DOCK1: variants seen among roughly 807,000 people sequenced by gnomAD.
DOCK1 encodes dedicator of cytokinesis 1, also known as dedicator of cytokinesis protein 1.
DOCK1 carries 138 observed loss-of-function variants against 262.7 expected under a neutral mutation model. That is an observed-to-expected ratio of 0.53 (90% CI 0.46 to 0.61). The LOEUF (loss-of-function observed/expected upper bound fraction) is 0.61. Ranked by LOEUF, DOCK1 falls within the 20% of genes least tolerant of loss-of-function variation. The pLI is 0.00. For synonymous variants in DOCK1, 866 were observed against 867.4 expected (o/e 1.00, Z 0.03); for missense variants, 1,908 against 2,370.7 (o/e 0.80, Z 4.05).
At chr10:127,408,246 G>A (rs1279907366) in intron 40 of DOCK1, among the ~76,000 whole-genome samples, 1 of 152,134 alleles carries the variant, frequency 6.6e-6, no homozygotes, top group East Asian at 1.9e-4. Context: ...AACCCCAGTG[G>A]ACTGACATTC....
rs921610459 is a variant in DOCK1, at chr10:127,088,027, C to T, written c.2446-18204C>T. ...TAATTGCTAAGTTTTCTCTGATTTG[C>T]TCTAAATCATCTTTTACAAATGCGT... On this transcript the variant is annotated intron_variant, in intron 23 of 51. Transcript: ENST00000623213. 1.8e-4 allele frequency among the ~76,000 whole-genome samples: 28 copies of T among 152,144 alleles called. 1 individual carries two copies. Among genetic ancestry groups the T allele is most frequent in the Non-Finnish European group, 7.4e-5 (5 of 68,024 alleles).
intron 35 of DOCK1, 126 bp from the exon 36 acceptor site, chr10:127,379,956 G>C: frequency 2.9e-6 from 2 of 687,168 alleles, no homozygotes; most frequent in African/African-American, 1.8e-5. Flanking sequence ...TTATGGTTCT[G>C]ATCCAAAGAG....
intron 38 of DOCK1, among the ~76,000 whole-genome samples, chr10:127,392,104 G>A (rs528299162): frequency 6.6e-6 from 1 of 151,566 alleles, no homozygotes; most frequent in African/African-American, 2.4e-5. Context: ...GCGTGGACCG[G>A]CTGCTTCTTG....
At chr10:127,172,997 T>C (rs11816150) in intron 27 of DOCK1, among the ~76,000 whole-genome samples, 5,796 of 152,284 alleles carry the variant, frequency 0.038, 387 homozygotes, top group African/African-American at 0.13. Context: ...TAGTGGCCAC[T>C]GTATTGGATA....
intron 25 of DOCK1, among the ~76,000 whole-genome samples, chr10:127,120,622 A>C (rs1215720116): frequency 6.6e-6 from 1 of 152,198 alleles, no homozygotes; most frequent in Non-Finnish European, 1.5e-5. Flanking sequence ...TATTTTCATC[A>C]TTGAATATAA....
intron 29 of DOCK1, among the ~76,000 whole-genome samples, chr10:127,314,483 T>G (rs1296446611): frequency 6.6e-6 from 1 of 152,318 alleles, no homozygotes; most frequent in East Asian, 1.9e-4. Context: ...CCAGTGTAAA[T>G]GGGCTTCATT....
intron 1 of DOCK1, among the ~76,000 whole-genome samples, chr10:126,956,712 C>T (rs2036771637): frequency 6.6e-6 from 1 of 152,200 alleles, no homozygotes; most frequent in African/African-American, 2.4e-5. Context: ...CTGTCATCCT[C>T]CCATTTCATG....
At chr10:127,093,202 C>CTTTCTTTCTTTG (rs1474533901) in intron 23 of DOCK1, among the ~76,000 whole-genome samples, 3 of 129,560 alleles carry the variant, frequency 2.3e-5, no homozygotes, top group Admixed American at 1.5e-4. Context: ...TCTCCTTTTT[C>CTTTCTTTCTTTG]TTTCTTTCTT....
chr10:127,079,011 C>T (rs1291364041), intron 23 of DOCK1, among the ~76,000 whole-genome samples: 1 of 152,070 alleles, frequency 6.6e-6, no homozygotes, highest in African/African-American at 2.4e-5. Flanking sequence ...GTTTAATAAT[C>T]CCTTTATAAA....
chr10:127,127,507 T>G (rs903829464), intron 26 of DOCK1, among the ~76,000 whole-genome samples, 162 bp from the exon 27 acceptor site: 2 of 152,192 alleles, frequency 1.3e-5, no homozygotes, highest in African/African-American at 4.8e-5. Context: ...ACCCCTGAGT[T>G]TTTTTGTGAG....
intron 14 of DOCK1, 54 bp from the exon 15 acceptor site, chr10:127,024,631 A>G: frequency 1.4e-6 from 2 of 1,456,846 alleles, no homozygotes; most frequent in Admixed American, 2.0e-5. Flanking sequence ...GGAGATGTAT[A>G]TGGTGTCAAG....
intron 27 of DOCK1, among the ~76,000 whole-genome samples, chr10:127,203,639 G>A (rs908166229): frequency 6.5e-5 from 6 of 92,990 alleles, no homozygotes; most frequent in African/African-American, 2.2e-4. Flanking sequence ...CATGTTTTCC[G>A]TAAACGTTTT....
At chr10:127,271,809 A>C (rs1213120718) in intron 29 of DOCK1, among the ~76,000 whole-genome samples, 2 of 152,266 alleles carry the variant, frequency 1.3e-5, no homozygotes, top group African/African-American at 4.8e-5. Flanking sequence ...ATACTTTTGT[A>C]GCAGTTCATT....
chr10:127,322,407 C>G (rs1590440716), intron 29 of DOCK1, among the ~76,000 whole-genome samples: 1 of 152,006 alleles, frequency 6.6e-6, no homozygotes, highest in Admixed American at 6.5e-5. Flanking sequence ...CCAGGCTGAT[C>G]TCAAACTCCT....
intron 21 of DOCK1, among the ~76,000 whole-genome samples, chr10:127,051,441 G>A (rs921606943): frequency 1.3e-5 from 2 of 151,866 alleles, no homozygotes; most frequent in African/African-American, 4.8e-5. Flanking sequence ...TTTAATTTTC[G>A]GTGTAAGAAC....
chr10:127,146,162 G>C (rs1234819941), intron 27 of DOCK1: 1 of 393,920 alleles, frequency 2.5e-6, no homozygotes, highest in East Asian at 7.6e-5. Flanking sequence ...CCCTCATGCT[G>C]TTTTGGACAT....
intron 35 of DOCK1, among the ~76,000 whole-genome samples, chr10:127,375,750 T>G (rs1163881470): frequency 6.6e-6 from 1 of 152,228 alleles, no homozygotes; most frequent in Non-Finnish European, 1.5e-5. Context: ...TGTAACAAGT[T>G]TTCTTTTCCT....
At chr10:127,289,616 A>G (rs2061280692) in intron 29 of DOCK1, among the ~76,000 whole-genome samples, 2 of 152,110 alleles carry the variant, frequency 1.3e-5, no homozygotes, top group South Asian at 2.1e-4. Flanking sequence ...AACCTTTCCA[A>G]CCTATTATGT....
intron 37 of DOCK1, among the ~76,000 whole-genome samples, chr10:127,382,724 G>T (rs1175276501): frequency 6.6e-6 from 1 of 152,156 alleles, no homozygotes; most frequent in African/African-American, 2.4e-5. Context: ...ATTAAAATGG[G>T]GTTGACAAAC....
Sources: gnomAD v4.1 joint callset for allele counts (sites outside exome capture counted in the v4.1 genomes callset) on GRCh38, gnomAD v4.1.1 for gene constraint, MANE v1.5 for transcripts, NCBI Gene and HGNC (gene_info 2026-07-23, HGNC 2026-07-21) for gene names.